CCR9: variants seen among roughly 807,000 people sequenced by gnomAD.
CCR9 encodes the protein C-C chemokine receptor type 9.
A neutral mutation model predicts 8.7 loss-of-function variants in CCR9; 4 were observed. The ratio of observed to expected loss-of-function variants is 0.46; its 90% CI spans 0.23 to 1.06. The LOEUF (loss-of-function observed/expected upper bound fraction) is 1.06. Among genes scored for constraint, CCR9 ranks in the 50% least tolerant of loss-of-function variants. The pLI is 0.21. For synonymous variants in CCR9, 159 were observed against 168.8 expected (o/e 0.94, Z 0.45); for missense variants, 394 against 453.6 (o/e 0.87, Z 1.19).
At position 45,901,938 on chromosome 3, in the gene CCR9, G is replaced by A; in HGVS notation, c.*40G>A. On this transcript the variant is annotated 3_prime_UTR_variant, in exon 3 of 3. Transcript: ENST00000357632. This position sits in a 1 kb window ranked among gnomAD's most constrained non-coding sequence, Gnocchi z 4.3. ...GGTGCATGGTTCTTTTGGAAGAAAT[G>A]AGAAATACAGAAACAGTTTCCCCAC... 1 of 1,501,148 alleles carries A rather than the reference G, an allele frequency of 6.7e-7. No individual in the cohort carries two copies. Among genetic ancestry groups the A allele is most frequent in the South Asian group, 1.3e-5 (1 of 75,070 alleles). The allele number at this position is 1,501,148 out of a possible 1,614,324, so 93.0% of individuals were successfully genotyped here.
chr3:45,900,836 C>A lies in CCR9; in HGVS notation c.48C>A (p.Asp16Glu), dbSNP rs771517303. 7 of 1,613,390 alleles carry A rather than the reference C, an allele frequency of 4.3e-6. No individual in the cohort carries two copies. The African/African-American group carries it at 8.0e-5, about 18-fold the overall frequency. The change falls in exon 3 of 3, where the codon GAC becomes GAA. Residue 16 changes from aspartate to glutamate, a missense_variant. Coordinates refer to ENST00000357632, the MANE Select transcript of CCR9 (RefSeq NM_031200.3). The surrounding 1 kb of genome is among the most constrained non-coding windows in gnomAD (Gnocchi z 4.7). ...GCCCTATTCCTAACATGGCTGATGA[C>A]TATGGCTCTGAATCCACATCTTCCA... Reference protein sequence around the residue: ...FTSPIPNMADDYGSESTSSME... With the variant: ...FTSPIPNMADEYGSESTSSME...
At chr3:45,888,430 A>G (rs1702049420) in intron 1 of CCR9, among the ~76,000 whole-genome samples, 1 of 152,204 alleles carries the variant, frequency 6.6e-6, no homozygotes, top group African/African-American at 2.4e-5. Flanking sequence ...ATTTGCAGCC[A>G]TGACTTACTC....
At chr3:45,888,636 C>T (rs921042729) in intron 1 of CCR9, among the ~76,000 whole-genome samples, 3 of 152,146 alleles carry the variant, frequency 2.0e-5, no homozygotes, top group Admixed American at 6.5e-5. Flanking sequence ...CATCCACTCC[C>T]GACAGACCGC....
At chr3:45,889,867 A>G (rs1015052307) in intron 1 of CCR9, among the ~76,000 whole-genome samples, 6 of 151,632 alleles carry the variant, frequency 4.0e-5, no homozygotes, top group African/African-American at 1.5e-4. Flanking sequence ...TTGTTTTCCA[A>G]TTTTTGTTCT....
chr3:45,898,070 G>T (rs993735175), intron 2 of CCR9, among the ~76,000 whole-genome samples: 2 of 151,082 alleles, frequency 1.3e-5, no homozygotes, highest in Non-Finnish European at 2.9e-5. Context: ...TATTCATTGT[G>T]TGGATTCACA....
intron 1 of CCR9, among the ~76,000 whole-genome samples, chr3:45,887,058 T>C (rs1702001852): frequency 1.3e-5 from 2 of 152,146 alleles, no homozygotes; most frequent in Admixed American, 6.5e-5. Flanking sequence ...AAGGAAACTA[T>C]GCATCAGGAG....
upstream of CCR9, chr3:45,886,359 A>G (rs1701980982): frequency 6.6e-6 from 1 of 152,232 alleles, no homozygotes; most frequent in African/African-American, 2.4e-5. Context: ...TCTTCAGATG[A>G]GACAGTTTCC....
At chr3:45,897,539 T>G (rs1702396516) in intron 2 of CCR9, 2 of 1,505,308 alleles carry the variant, frequency 1.3e-6, no homozygotes, top group Non-Finnish European at 1.8e-6. Flanking sequence ...TCTGCACAAT[T>G]TCTCCCATTC....
chr3:45,890,277 T>TATATTTATATAA (rs1702114711), intron 1 of CCR9, among the ~76,000 whole-genome samples: 6 of 69,380 alleles, frequency 8.6e-5, no homozygotes, highest in Non-Finnish European at 1.4e-4. Context: ...ATAACATATA[T>TATATTTATATAA]ATATATTTAT....
At chr3:45,892,750 C>CA (rs940838664) in intron 1 of CCR9, among the ~76,000 whole-genome samples, 7 of 151,834 alleles carry the variant, frequency 4.6e-5, no homozygotes, top group South Asian at 2.1e-4. Context: ...CAAACCAAAA[C>CA]AAAAAAAACC....
In CCR9 at chr3:45,889,833, A is replaced by G. The variant is rs1214315901; in HGVS notation, c.-29+3178A>G. Among the ~76,000 whole-genome samples, 4 of 151,918 alleles carry G rather than the reference A, an allele frequency of 2.6e-5. No homozygotes were observed. In the South Asian group the frequency reaches 8.3e-4, roughly 32 times the overall value. On this transcript the variant is annotated intron_variant, in intron 1 of 2. Coordinates refer to ENST00000357632, the MANE Select transcript of CCR9 (RefSeq NM_031200.3). ...GTTTATTGGATTGATGTGTCATAAT[A>G]TTACCAATTGCTGAATATTTAAGTT...
At chr3:45,890,436 A>G (rs1363720311) in intron 1 of CCR9, among the ~76,000 whole-genome samples, 3 of 144,682 alleles carry the variant, frequency 2.1e-5, no homozygotes, top group African/African-American at 7.7e-5. Flanking sequence ...GTAATAAAAT[A>G]AAATTTGCTG....
rs72890672 is a variant in CCR9, at chr3:45,894,116, A to G, written c.-28-790A>G. On this transcript the variant is annotated intron_variant, in intron 1 of 2. Transcript: ENST00000357632. Reference sequence around the variant, plus strand: ...CAGACTTCGTCCTCGAAGGCAGTCAAGCTGTTGTTTCTTTGGTTATGTAGG... The same window carrying G: ...CAGACTTCGTCCTCGAAGGCAGTCAGGCTGTTGTTTCTTTGGTTATGTAGG... Among the ~76,000 whole-genome samples the G allele has an allele frequency of 8.9e-3, 1,361 of 152,306 alleles. 20 individuals are homozygous for G. The highest frequency in any genetic ancestry group is 0.031 in the African/African-American group (1,290 of 41,564).
rs200207613 is a variant in CCR9 at position 45,902,087 on chromosome 3, A to G, written c.*189A>G. 4.4e-5 allele frequency: 25 copies of G among 571,844 alleles called. No individual in the cohort carries two copies. In the East Asian group the frequency reaches 7.1e-4, roughly 16 times the overall value. The allele number at this position is 571,844 out of a possible 1,614,324, so 35.4% of individuals were successfully genotyped here. ...TTCAAAATCAACTGACTAGTGCAGGAGGCTGTTGATTGGCTCTTGACTGTG... is the reference window on the plus strand; with the variant it reads ...TTCAAAATCAACTGACTAGTGCAGGGGGCTGTTGATTGGCTCTTGACTGTG... On this transcript the variant is annotated 3_prime_UTR_variant, in exon 3 of 3. Coordinates refer to ENST00000357632, the MANE Select transcript of CCR9 (RefSeq NM_031200.3).
chr3:45,899,080 C>T (rs954502208), intron 2 of CCR9, among the ~76,000 whole-genome samples: 6 of 152,198 alleles, frequency 3.9e-5, no homozygotes, highest in Non-Finnish European at 7.4e-5. Flanking sequence ...GCAGGAGAAT[C>T]GCTTGAACCT....
At chr3:45,891,185 G>A (rs1390511915) in intron 1 of CCR9, among the ~76,000 whole-genome samples, 1 of 152,232 alleles carries the variant, frequency 6.6e-6, no homozygotes, top group Non-Finnish European at 1.5e-5. Flanking sequence ...ATGCCCAGGT[G>A]GCTGGGTAAG....
Position 45,900,388 on chromosome 3 carries a change from T to C in CCR9, c.22-422T>C, listed in dbSNP as rs1448006651. Among the ~76,000 whole-genome samples the C allele has an allele frequency of 1.3e-5, 2 of 152,130 alleles. No homozygotes were observed. The highest frequency in any genetic ancestry group is 2.9e-5 in the Non-Finnish European group (2 of 68,024). ...AACCTTTTTAGGGTCAGTGAAAAAC[T>C]GAATAGATAGGAGAAGTACGATCAC... On this transcript the variant is annotated intron_variant, in intron 2 of 2. Coordinates refer to ENST00000357632, the MANE Select transcript of CCR9 (RefSeq NM_031200.3). This position sits in a 1 kb window ranked among gnomAD's most constrained non-coding sequence, Gnocchi z 4.7.
At chr3:45,893,488 A>G (rs1251907394) in intron 1 of CCR9, among the ~76,000 whole-genome samples, 2 of 148,984 alleles carry the variant, frequency 1.3e-5, no homozygotes, top group Non-Finnish European at 3.0e-5. Flanking sequence ...TTGCCAGGAC[A>G]TCAGTGATTC....
chr3:45,888,163 G>GCTCTCTCC lies in CCR9; in HGVS notation c.-29+1511_-29+1518dup, dbSNP rs1702039872. Among the ~76,000 whole-genome samples, 4 of 152,320 alleles carry GCTCTCTCC rather than the reference G, an allele frequency of 2.6e-5. No individual in the cohort carries two copies. The South Asian group carries it at 8.3e-4, about 32-fold the overall frequency. On this transcript the variant is annotated intron_variant, in intron 1 of 2. Coordinates refer to ENST00000357632, the MANE Select transcript of CCR9 (RefSeq NM_031200.3). ...ACTTTTCTCTTTTGGAGAATTAGCAGCTCTCTCCCTTCCTTTATCTCCCAG... is the reference window on the plus strand; with the variant it reads ...ACTTTTCTCTTTTGGAGAATTAGCAGCTCTCTCCCTCTCTCCCTTCCTTTATCTCCCAG...
Sources: gnomAD v4.1 joint callset for allele counts (sites outside exome capture counted in the v4.1 genomes callset) on GRCh38, gnomAD v4.1.1 for gene constraint, Gnocchi (gnomAD v3.1) non-coding constraint, MANE v1.5 for transcripts, NCBI Gene and HGNC (gene_info 2026-07-23, HGNC 2026-07-21) for gene names.